EFCAB13: variants seen among roughly 807,000 people sequenced by gnomAD.
EFCAB13 encodes EF-hand calcium-binding domain-containing protein 13.
Under a neutral mutation model 110.2 loss-of-function variants are expected in EFCAB13, and 91 were observed. The ratio of observed to expected loss-of-function variants is 0.83; its 90% CI spans 0.70 to 0.98. The LOEUF is 0.98. Among genes scored for constraint, EFCAB13 ranks in the 50% least tolerant of loss-of-function variants. EFCAB13 has a pLI of 0.00. For synonymous variants in EFCAB13, 323 were observed against 369.9 expected (o/e 0.87, Z 1.45); for missense variants, 968 against 1,119.4 (o/e 0.86, Z 1.93).
rs984190698 is a variant in EFCAB13 at position 47,388,681 on chromosome 17, A to G, written c.1583-2756A>G. Among the ~76,000 whole-genome samples the G allele has an allele frequency of 7.9e-5, 12 of 152,110 alleles. No homozygotes were observed. In the East Asian group the frequency reaches 2.3e-3, roughly 29 times the overall value. ...GGCTCATGGACATTTGATTATTTCCAGTTTGGGGCTGTTATGAATAATACT... is the reference window on the plus strand; with the variant it reads ...GGCTCATGGACATTTGATTATTTCCGGTTTGGGGCTGTTATGAATAATACT... On this transcript the variant is annotated intron_variant, in intron 14 of 24. Coordinates refer to ENST00000331493, the MANE Select transcript of EFCAB13 (RefSeq NM_152347.5).
rs944985081 is a variant in EFCAB13 at position 47,429,576 on chromosome 17, A to G, written c.2495-242A>G. 4.7e-4 allele frequency among the ~76,000 whole-genome samples: 71 copies of G among 152,232 alleles called. 1 individual carries two copies. The highest frequency in any genetic ancestry group is 1.6e-3 in the African/African-American group (66 of 41,452). On this transcript the variant is annotated intron_variant, in intron 23 of 24. Coordinates refer to ENST00000331493, the MANE Select transcript of EFCAB13 (RefSeq NM_152347.5). Reference sequence around the variant, plus strand: ...TGAAAATGCCTATCTTGGGATTATTATAAAGACATTTGTAATCTGGTAAAG... The same window carrying G: ...TGAAAATGCCTATCTTGGGATTATTGTAAAGACATTTGTAATCTGGTAAAG...
rs115917803 is a variant in EFCAB13 at position 47,361,479 on chromosome 17, C to T, written c.763C>T (p.Arg255Cys). 651 of 1,612,222 alleles carry T rather than the reference C, an allele frequency of 4.0e-4. 1 individual carries two copies. The African/African-American group carries it at 7.4e-3, about 18-fold the overall frequency. The change falls in exon 10 of 25, where the codon CGT (arginine) becomes TGT (cysteine). Residue 255 changes from arginine (R) to cysteine (C), a missense_variant. Arg to Cys is a radical substitution (Grantham distance 180). Transcript: ENST00000331493. ...VLDSMGIPIN[R>C]EILEEVTKHT... ...GGATAGCATGGGTATCCCTATAAAC[C>T]GTGAAATTTTAGAAGAAGTGACAAA...
At chr17:47,404,133 C>A in intron 19 of EFCAB13, 112 bp downstream of exon 19, 1 of 852,740 alleles carries the variant, frequency 1.2e-6, no homozygotes, top group Non-Finnish European at 1.7e-6. Context: ...TGAAACGGAG[C>A]CTTTCCTCTT....
rs1216230315 is a variant in EFCAB13 at position 47,431,810 on chromosome 17, C to A, written c.2638+1849C>A. On this transcript the variant is annotated intron_variant, in intron 24 of 24. Transcript: ENST00000331493. This position sits in a 1 kb window ranked among gnomAD's most constrained non-coding sequence, Gnocchi z 4.1. The stretch of plus-strand genomic sequence containing the variant: ...AAATTCAAATTTTTTTATATTCTTA[C>A]TGATGTTTTATTTCTTTGTTCAATA... Among the ~76,000 whole-genome samples, 1 of 152,026 alleles carries A rather than the reference C, an allele frequency of 6.6e-6. No individual in the cohort carries two copies. The highest frequency in any genetic ancestry group is 1.5e-5 in the Non-Finnish European group (1 of 68,000).
In EFCAB13 at chr17:47,391,585, G is replaced by C. The variant is rs1232153228; in HGVS notation, c.1726+5G>C. On this transcript the variant is annotated splice_donor_5th_base_variant and intron_variant, in intron 15 of 24. Transcript: ENST00000331493. ...CAGAACTGACTGAAGCTGGTGGTGA[G>C]TGATATATTTTCAGGCAAACTGCAT... The C allele has an allele frequency of 1.9e-6, 3 of 1,557,960 alleles. No homozygotes were observed. The highest frequency in any genetic ancestry group is 2.6e-6 in the Non-Finnish European group (3 of 1,159,094).
At chr17:47,341,662 A>G (rs1411565018) in intron 5 of EFCAB13, among the ~76,000 whole-genome samples, 1 of 151,900 alleles carries the variant, frequency 6.6e-6, no homozygotes, top group South Asian at 2.1e-4. Context: ...TACCCAGCCC[A>G]ATCTCTACAA....
intron 17 of EFCAB13, among the ~76,000 whole-genome samples, chr17:47,400,811 G>A (rs777883258): frequency 6.6e-6 from 1 of 152,124 alleles, no homozygotes; most frequent in African/African-American, 2.4e-5. Flanking sequence ...TACAGTACCC[G>A]TTGCCTACTT....
intron 8 of EFCAB13, among the ~76,000 whole-genome samples, chr17:47,346,863 C>T (rs1433638305): frequency 6.6e-6 from 1 of 152,160 alleles, no homozygotes; most frequent in African/African-American, 2.4e-5. Flanking sequence ...TGAATTTTCT[C>T]ACTTCCCATT....
intron 11 of EFCAB13, among the ~76,000 whole-genome samples, chr17:47,371,322 C>A (rs2065583511): frequency 6.6e-6 from 1 of 152,000 alleles, no homozygotes. Context: ...CTGTAGACTT[C>A]TCCCTATGTT....
chr17:47,325,527 A>G (rs1011126827), intron 2 of EFCAB13, among the ~76,000 whole-genome samples: 13 of 152,084 alleles, frequency 8.5e-5, no homozygotes, highest in African/African-American at 2.9e-4. Context: ...GTCCTCCATG[A>G]TATGCCACTT....
chr17:47,334,890 G>C (rs1454556993), intron 4 of EFCAB13, among the ~76,000 whole-genome samples: 3 of 152,048 alleles, frequency 2.0e-5, no homozygotes, highest in African/African-American at 7.2e-5. Context: ...CTCCACCCTA[G>C]GCAACAAAAA....
chr17:47,422,913 A>G (rs1904770930), intron 23 of EFCAB13, among the ~76,000 whole-genome samples: 3 of 152,214 alleles, frequency 2.0e-5, no homozygotes, highest in African/African-American at 7.2e-5. Flanking sequence ...AAGGGCCAAA[A>G]TAGCCAGGGC....
intron 11 of EFCAB13, 113 bp downstream of exon 11, chr17:47,370,621 A>T: frequency 4.7e-6 from 3 of 644,822 alleles, no homozygotes; most frequent in Non-Finnish European, 7.7e-6. Flanking sequence ...TCTCTGAATA[A>T]TTTACCCTCT....
chr17:47,439,336 CT>C (rs1905273059), intron 24 of EFCAB13, among the ~76,000 whole-genome samples: 1 of 151,884 alleles, frequency 6.6e-6, no homozygotes, highest in Non-Finnish European at 1.5e-5. Flanking sequence ...GCCACCACCC[CT>C]GGCTAATTTT....
intron 10 of EFCAB13, 89 bp downstream of exon 10, chr17:47,361,610 C>G: frequency 9.0e-7 from 1 of 1,116,396 alleles, no homozygotes; most frequent in East Asian, 2.6e-5. Context: ...GTGATCTGTC[C>G]TTTGCTTCTC....
At chr17:47,406,656 T>A (rs2065807097) in intron 20 of EFCAB13, among the ~76,000 whole-genome samples, 1 of 152,212 alleles carries the variant, frequency 6.6e-6, no homozygotes, top group South Asian at 2.1e-4. Context: ...CTTATGACTT[T>A]TTGAAGTAGC....
chr17:47,359,782 C>T (rs1325327813), intron 9 of EFCAB13, among the ~76,000 whole-genome samples: 9 of 109,868 alleles, frequency 8.2e-5, no homozygotes, highest in Non-Finnish European at 1.1e-4. Flanking sequence ...CCCCTCCCCC[C>T]ACCCCACAAC....
rs150041083 is a variant in EFCAB13, at chr17:47,390,914, G to GTCTTATCTATCTGTCTATCTATCTA, written c.1583-520_1583-519insTATCTATCTGTCTATCTATCTATCT. Among the ~76,000 whole-genome samples the GTCTTATCTATCTGTCTATCTATCTA allele has an allele frequency of 3.2e-3, 479 of 150,254 alleles. 3 individuals carry two copies. The highest frequency in any genetic ancestry group is 0.026 in the East Asian group (130 of 5,072). On this transcript the variant is annotated intron_variant, in intron 14 of 24. Coordinates refer to ENST00000331493, the MANE Select transcript of EFCAB13 (RefSeq NM_152347.5). ...TATATATGTGTATGTGTGTCTGTCT[G>GTCTTATCTATCTGTCTATCTATCTA]TCTATCTATCTATCTGTCTATCTAT...
chr17:47,399,022 A>C (rs1343150287), intron 17 of EFCAB13, among the ~76,000 whole-genome samples: 1 of 152,162 alleles, frequency 6.6e-6, no homozygotes, highest in African/African-American at 2.4e-5. Context: ...CTCCCGGTTC[A>C]AGCGATTCTG....
Sources: gnomAD v4.1 joint callset for allele counts (sites outside exome capture counted in the v4.1 genomes callset) on GRCh38, gnomAD v4.1.1 for gene constraint, Gnocchi (gnomAD v3.1) non-coding constraint, MANE v1.5 for transcripts, NCBI Gene and HGNC (gene_info 2026-07-23, HGNC 2026-07-21) for gene names.